PDE11A: variants seen among roughly 807,000 people sequenced by gnomAD.
PDE11A encodes phosphodiesterase 11A, also known as dual 3',5'-cyclic-AMP and -GMP phosphodiesterase 11A.
Under a neutral mutation model 100.5 loss-of-function variants are expected in PDE11A, and 100 were observed. That is an observed-to-expected ratio of 1.00 (90% CI 0.85 to 1.18). The LOEUF is 1.18. Ranked by LOEUF, PDE11A falls within the 50% of genes most tolerant of loss-of-function variation. The pLI, the probability that PDE11A is intolerant of heterozygous loss-of-function variation, is 0.00. For missense variants in PDE11A, 1,141 were observed against 1,152.6 expected (o/e 0.99, Z 0.15); for synonymous variants, 381 against 420.8 (o/e 0.91, Z 1.16).
intron 19 of PDE11A, among the ~76,000 whole-genome samples, chr2:177,661,082 T>A (rs1040666291): frequency 1.3e-5 from 2 of 152,322 alleles, no homozygotes. Context: ...AGTGCTTGCC[T>A]TGGGCTCTAC....
intron 2 of PDE11A, among the ~76,000 whole-genome samples, chr2:177,934,088 A>G (rs918443202): frequency 2.0e-5 from 3 of 152,168 alleles, no homozygotes; most frequent in Middle Eastern, 3.2e-3. Flanking sequence ...ATTTATGACT[A>G]AGTTTTCAAA....
At chr2:177,714,956 G>T (rs559341964) in intron 12 of PDE11A, among the ~76,000 whole-genome samples, 45 of 152,260 alleles carry the variant, frequency 3.0e-4, no homozygotes, top group African/African-American at 9.4e-4. Context: ...TTCCTCCACC[G>T]TCATTCAGGG....
chr2:177,816,433 C>T (rs1489162943), intron 9 of PDE11A, among the ~76,000 whole-genome samples: 3 of 148,354 alleles, frequency 2.0e-5, no homozygotes, highest in Non-Finnish European at 3.0e-5. Flanking sequence ...CTTTCCCCAT[C>T]TAGGTCATAT....
intron 6 of PDE11A, among the ~76,000 whole-genome samples, chr2:177,834,651 G>C (rs1469511735): frequency 6.6e-6 from 1 of 152,140 alleles, no homozygotes. Context: ...AAGGGGTCCA[G>C]CTCAGTGGGA....
In PDE11A at chr2:177,902,249, G is replaced by A. The variant is rs565430334; in HGVS notation, c.1161+2849C>T. Among the ~76,000 whole-genome samples the A allele has an allele frequency of 6.8e-3, 1,033 of 151,660 alleles. 7 individuals are homozygous for A. Among genetic ancestry groups the A allele is most frequent in the Non-Finnish European group, 0.012 (784 of 67,926 alleles). ...ACGATATATTCTCCCCCGCCCTTAA[G>A]AAGGTACTTTGTAATATTCTCCCCC... On this transcript the variant is annotated intron_variant, in intron 3 of 19. Coordinates refer to ENST00000286063, the MANE Select transcript of PDE11A (RefSeq NM_016953.4).
At chr2:178,018,784 G>A (rs892693417) in intron 1 of PDE11A, among the ~76,000 whole-genome samples, 2 of 152,110 alleles carry the variant, frequency 1.3e-5, no homozygotes, top group Non-Finnish European at 2.9e-5. Flanking sequence ...CTGGCCTCAA[G>A]CAACCCTCCC....
chr2:177,705,690 T>C (rs1391127539), intron 13 of PDE11A, among the ~76,000 whole-genome samples: 3 of 152,228 alleles, frequency 2.0e-5, no homozygotes, highest in Non-Finnish European at 4.4e-5. Context: ...AGCTGTGACT[T>C]AAAGGAAACT....
intron 9 of PDE11A, among the ~76,000 whole-genome samples, chr2:177,788,622 CA>C (rs1207512303): frequency 6.6e-6 from 1 of 151,356 alleles, no homozygotes; most frequent in African/African-American, 2.4e-5. Context: ...AAAGGATCAA[CA>C]AAATTGATAG....
At chr2:177,737,449 A>ACAC in intron 10 of PDE11A, among the ~76,000 whole-genome samples, 1 of 148,136 alleles carries the variant, frequency 6.8e-6, no homozygotes, top group South Asian at 2.2e-4. Flanking sequence ...ACACACACAC[A>ACAC]AATTAGCCAG....
chr2:177,887,507 T>C (rs752687838), intron 4 of PDE11A, among the ~76,000 whole-genome samples: 25 of 152,044 alleles, frequency 1.6e-4, no homozygotes, highest in Non-Finnish European at 2.9e-4. Context: ...CTCATGCTTG[T>C]AATCCCAACA....
At chr2:177,987,205 C>T (rs756434478) in intron 2 of PDE11A, among the ~76,000 whole-genome samples, 15 of 152,002 alleles carry the variant, frequency 9.9e-5, no homozygotes, top group Non-Finnish European at 1.5e-4. Flanking sequence ...CTGTGAGAAT[C>T]GAGAGGCAGA....
chr2:177,947,974 A>C (rs1057228393), intron 2 of PDE11A, among the ~76,000 whole-genome samples: 1 of 151,920 alleles, frequency 6.6e-6, no homozygotes, highest in South Asian at 2.1e-4. Context: ...TGTTTCCTTC[A>C]TATATGTATA....
intron 1 of PDE11A, among the ~76,000 whole-genome samples, chr2:178,022,563 C>T (rs1240460543): frequency 6.6e-6 from 1 of 151,986 alleles, no homozygotes; most frequent in African/African-American, 2.4e-5. Context: ...TGCCTAACAG[C>T]TTTTAAGCCC....
chr2:177,688,845 T>C (rs752724899), intron 15 of PDE11A, among the ~76,000 whole-genome samples: 5 of 152,242 alleles, frequency 3.3e-5, no homozygotes, highest in African/African-American at 9.6e-5. Context: ...TGAAAAACTT[T>C]CTGGTTTGTA....
At chr2:177,964,431 T>C (rs537815768) in intron 2 of PDE11A, among the ~76,000 whole-genome samples, 1 of 152,304 alleles carries the variant, frequency 6.6e-6, no homozygotes, top group South Asian at 2.1e-4. Flanking sequence ...TGCAGGTTTG[T>C]TACATGGGTA....
chr2:177,828,314 T>G (rs2083258463), intron 6 of PDE11A, among the ~76,000 whole-genome samples: 1 of 152,134 alleles, frequency 6.6e-6, no homozygotes, highest in South Asian at 2.1e-4. Context: ...TATTCATAAA[T>G]TACACATAGA....
At chr2:177,853,714 T>TGTGTGTGTGTGTGTGTGTTTG (rs1558974124) in intron 5 of PDE11A, among the ~76,000 whole-genome samples, 5 of 16,304 alleles carry the variant, frequency 3.1e-4, no homozygotes, top group Non-Finnish European at 6.4e-4. Context: ...GTGTGTGTGT[T>TGTGTGTGTGTGTGTGTGTTTG]TGTGTGTGTG....
At chr2:177,835,778 G>C (rs1397477070) in intron 6 of PDE11A, among the ~76,000 whole-genome samples, 1 of 152,206 alleles carries the variant, frequency 6.6e-6, no homozygotes, top group Non-Finnish European at 1.5e-5. Flanking sequence ...CGGCCAGCTG[G>C]TGCCGCCGGC....
intron 2 of PDE11A, among the ~76,000 whole-genome samples, chr2:178,082,223 G>C (rs2087293456): frequency 6.6e-6 from 1 of 152,138 alleles, no homozygotes; most frequent in Non-Finnish European, 1.5e-5. Context: ...CTGTACAAAA[G>C]GAGCAGGATT....
Sources: allele counts gnomAD v4.1 joint callset (sites outside exome capture counted in the v4.1 genomes callset), GRCh38; gene constraint gnomAD v4.1.1; transcripts MANE v1.5; gene names NCBI Gene and HGNC (gene_info 2026-07-23, HGNC 2026-07-21).